Variants in KHDRBS1 observed in about 807,000 individuals in gnomAD.
The protein encoded by KHDRBS1 is KH domain-containing, RNA-binding, signal transduction-associated protein 1.
A neutral mutation model predicts 48.4 loss-of-function variants in KHDRBS1; 7 were observed. The observed-to-expected ratio is 0.14, with a 90% CI of 0.08 to 0.27. The LOEUF is 0.27. Among genes scored for constraint, KHDRBS1 ranks in the 10% least tolerant of loss-of-function variants. The pLI, the probability that KHDRBS1 is intolerant of heterozygous loss-of-function variation, is 1.00. For missense variants in KHDRBS1, 458 were observed against 601.2 expected (o/e 0.76, Z 2.49); for synonymous variants, 241 against 235.8 (o/e 1.02, Z -0.20).
At chr1:32,014,444 T>C in intron 1 of KHDRBS1, 67 bp downstream of exon 1, 3 of 1,254,982 alleles carry the variant, frequency 2.4e-6, no homozygotes, top group Non-Finnish European at 3.0e-6. Context: ...CCTGGCTTTG[T>C]TCCTCTCGCT....
At chr1:32,037,733 G>T (rs1639209278) in intron 5 of KHDRBS1, 102 bp from the exon 6 acceptor site, 3 of 1,263,136 alleles carry the variant, frequency 2.4e-6, no homozygotes, top group Non-Finnish European at 3.4e-6. Flanking sequence ...CCTAGTTAAG[G>T]CTTCATAAAA....
In KHDRBS1 at chr1:32,028,654, C is replaced by T. The variant is rs186616629; in HGVS notation, c.383-1644C>T. On this transcript the variant is annotated intron_variant, in intron 1 of 8. Coordinates refer to ENST00000327300, the MANE Select transcript of KHDRBS1 (RefSeq NM_006559.3). ...AGTAGCTGGGACTACAGGTGCCCAC[C>T]GCCACGCCCGGCTAAATTTTTTTTG... Among the ~76,000 whole-genome samples, 17 of 151,264 alleles carry T rather than the reference C, an allele frequency of 1.1e-4. No individual in the cohort carries two copies. The East Asian group carries it at 2.5e-3, about 22-fold the overall frequency.
chr1:32,044,368 A>G (rs1557899245), downstream of KHDRBS1, among the ~76,000 whole-genome samples: 3 of 152,220 alleles, frequency 2.0e-5, no homozygotes. Context: ...TTTCAATCCC[A>G]GAAATGCTGA....
chr1:32,046,609 T>C (rs1466341269), downstream of KHDRBS1, among the ~76,000 whole-genome samples: 1 of 152,102 alleles, frequency 6.6e-6, no homozygotes, highest in African/African-American at 2.4e-5. Flanking sequence ...GTTTGTGTAG[T>C]TGGGGGCTGT....
chr1:32,021,150 C>T (rs1031593497), intron 1 of KHDRBS1, among the ~76,000 whole-genome samples: 1 of 151,920 alleles, frequency 6.6e-6, no homozygotes, highest in East Asian at 1.9e-4. Flanking sequence ...AGTTGCAAAG[C>T]TCTAAATTGT....
At chr1:32,016,298 C>T (rs1411320320) in intron 1 of KHDRBS1, among the ~76,000 whole-genome samples, 1 of 151,524 alleles carries the variant, frequency 6.6e-6, no homozygotes, top group African/African-American at 2.4e-5. Context: ...GAAATGAGAA[C>T]TTACTTTTAT....
At chr1:32,014,604 G>C (rs921283770) in intron 1 of KHDRBS1, among the ~76,000 whole-genome samples, 2 of 152,200 alleles carry the variant, frequency 1.3e-5, no homozygotes, top group African/African-American at 4.8e-5. Flanking sequence ...CGATCCCCTA[G>C]CGCTAATGTC....
intron 10 of KHDRBS1, among the ~76,000 whole-genome samples, chr1:32,059,522 A>G (rs555507648): frequency 5.9e-4 from 89 of 151,750 alleles, no homozygotes; most frequent in African/African-American, 2.0e-3. Flanking sequence ...TCTGAGTGAC[A>G]AAGCAAGACT....
chr1:32,021,808 G>T (rs990161762), intron 1 of KHDRBS1, among the ~76,000 whole-genome samples: 1 of 151,998 alleles, frequency 6.6e-6, no homozygotes, highest in South Asian at 2.1e-4. Flanking sequence ...GCGGCACCAC[G>T]CCTGGCTAAG....
At chr1:32,015,401 C>T (rs914982057) in intron 1 of KHDRBS1, among the ~76,000 whole-genome samples, 2 of 152,110 alleles carry the variant, frequency 1.3e-5, no homozygotes, top group Non-Finnish European at 2.9e-5. Flanking sequence ...TCACATCCTT[C>T]AACACTGAAT....
At chr1:32,025,287 T>G (rs767998103) in intron 1 of KHDRBS1, among the ~76,000 whole-genome samples, 3 of 95,016 alleles carry the variant, frequency 3.2e-5, no homozygotes, top group East Asian at 3.6e-4. Context: ...AAAATTCGGC[T>G]CCTCCTTTTT....
At chr1:32,037,458 A>T (rs1040884743) in intron 5 of KHDRBS1, among the ~76,000 whole-genome samples, 1 of 152,028 alleles carries the variant, frequency 6.6e-6, no homozygotes. Context: ...AAAAAAAAAA[A>T]TAGAGTTCTA....
chr1:32,027,209 G>A (rs1018898732), intron 1 of KHDRBS1, among the ~76,000 whole-genome samples: 1 of 152,190 alleles, frequency 6.6e-6, no homozygotes, highest in African/African-American at 2.4e-5. Flanking sequence ...TGGGATTACA[G>A]GCATGAGCCA....
At chr1:32,041,639 G>A (rs976469376) in intron 8 of KHDRBS1, among the ~76,000 whole-genome samples, 5 of 143,732 alleles carry the variant, frequency 3.5e-5, no homozygotes, top group African/African-American at 1.3e-4. Flanking sequence ...GTCCAGGCTG[G>A]AGTGGAGTGG....
intron 1 of KHDRBS1, among the ~76,000 whole-genome samples, chr1:32,026,140 A>G (rs1408997378): frequency 1.3e-5 from 2 of 151,616 alleles, no homozygotes; most frequent in African/African-American, 4.9e-5. Flanking sequence ...GTTTTATTTA[A>G]ATGATCCTTC....
At chr1:32,042,453 T>C (rs1014793345) in intron 8 of KHDRBS1, 74 bp from the exon 9 acceptor site, 4 of 913,106 alleles carry the variant, frequency 4.4e-6, no homozygotes, top group Admixed American at 1.9e-5. Flanking sequence ...TGATCTTTAC[T>C]ATGTGACCTA....
chr1:32,017,768 C>T lies in KHDRBS1; in HGVS notation c.382+3391C>T, dbSNP rs377094803. Among the ~76,000 whole-genome samples, 7 of 151,744 alleles carry T rather than the reference C, an allele frequency of 4.6e-5. No homozygotes were observed. The South Asian group carries it at 8.3e-4, about 18-fold the overall frequency. ...GATTATAGGCATGTGCCACCACGCC[C>T]GGCTAATTTCGTATTTTTAGTAGAG... On this transcript the variant is annotated intron_variant, in intron 1 of 8. Transcript: ENST00000327300.
At chr1:32,050,198 A>G (rs1639400791) in intron 10 of KHDRBS1, among the ~76,000 whole-genome samples, 1 of 152,174 alleles carries the variant, frequency 6.6e-6, no homozygotes, top group Non-Finnish European at 1.5e-5. Context: ...TCTTCTGTGG[A>G]AAAATGTCTA....
rs1288747460 is a variant in KHDRBS1, at chr1:32,036,992, G to T, written c.854G>T (p.Gly285Val). The T allele has an allele frequency of 1.2e-6, 2 of 1,614,050 alleles. No individual in the cohort carries two copies. The highest frequency in any genetic ancestry group is 3.3e-5 in the Admixed American group (2 of 60,006). ...NGVPEPSRGRGVPVRGRGAAP... is the reference protein window; with the variant it reads ...NGVPEPSRGRVVPVRGRGAAP... ...GTACCTGAACCCTCTCGTGGACGTG[G>T]GGTGCCAGTGAGAGGCCGGGGAGCT... The change falls in exon 5 of 9, where the codon GGG becomes GTG. Residue 285 changes from glycine (G) to valine (V), a missense_variant. Gly to Val is a moderately radical substitution (Grantham distance 109, BLOSUM62 -3). Around this residue, in one of 3 missense-constraint regions of KHDRBS1, gnomAD observed 171 missense variants for 228.7 expected, o/e 0.75. Coordinates refer to ENST00000327300, the MANE Select transcript of KHDRBS1 (RefSeq NM_006559.3).
Sources: gnomAD v4.1 joint callset for allele counts (sites outside exome capture counted in the v4.1 genomes callset) on GRCh38, gnomAD v4.1.1 for gene constraint, gnomAD v4.1.1 regional missense constraint, MANE v1.5 for transcripts, NCBI Gene and HGNC (gene_info 2026-07-23, HGNC 2026-07-21) for gene names.